CCDC171: variants seen among roughly 807,000 people sequenced by gnomAD.
The protein encoded by CCDC171 is coiled-coil domain-containing protein 171.
A neutral mutation model predicts 168.2 loss-of-function variants in CCDC171; 177 were observed. The observed-to-expected ratio is 1.05, with a 90% CI of 0.93 to 1.19. CCDC171 has a LOEUF of 1.19. Among genes scored for constraint, CCDC171 ranks in the 50% most tolerant of loss-of-function variants. The pLI, the probability that CCDC171 is intolerant of heterozygous loss-of-function variation, is 0.00. For missense variants in CCDC171, 1,991 were observed against 1,539.0 expected, an observed-to-expected ratio of 1.29 and a Z score of -4.91; for synonymous variants, 687 against 540.8, an observed-to-expected ratio of 1.27 and a Z score of -3.75.
At chr9:15,622,437 A>G (rs779803012) in intron 6 of CCDC171, among the ~76,000 whole-genome samples, 1 of 152,224 alleles carries the variant, frequency 6.6e-6, no homozygotes, top group Non-Finnish European at 1.5e-5. Context: ...ACATACTCAG[A>G]TTCTAATGGT....
At chr9:15,866,288 G>A (rs775582364) in intron 23 of CCDC171, among the ~76,000 whole-genome samples, 4 of 151,848 alleles carry the variant, frequency 2.6e-5, no homozygotes, top group African/African-American at 4.8e-5. Context: ...GATATAGTGA[G>A]TAATAAAAGT....
intron 24 of CCDC171, 60 bp downstream of exon 24, chr9:15,874,723 C>G: frequency 7.0e-7 from 1 of 1,419,202 alleles, no homozygotes; most frequent in Non-Finnish European, 9.3e-7. Context: ...ATTGCACTAA[C>G]TGGAGAGAAT....
Position 15,848,943 on chromosome 9 carries a change from A to G in CCDC171, c.3464A>G (p.His1155Arg). 2 of 1,527,854 alleles carry G rather than the reference A, an allele frequency of 1.3e-6. No individual in the cohort carries two copies. The highest frequency in any genetic ancestry group is 1.8e-6 in the Non-Finnish European group (2 of 1,126,200). 94.6% of individuals were successfully genotyped at this position (1,527,854 alleles called of 1,614,324 possible). Residue 1155 changes from histidine (H) to arginine (R), a missense_variant, in exon 23 of 26, where the codon CAC (histidine) becomes CGC (arginine). By Grantham distance (29) the His-to-Arg change is conservative. Coordinates refer to ENST00000380701, the MANE Select transcript of CCDC171 (RefSeq NM_173550.4). ...NHMRAVENTLHKVRDQISLSW... is the reference protein window; with the variant it reads ...NHMRAVENTLRKVRDQISLSW... Reference sequence around the variant, plus strand: ...ATGAGAGCAGTAGAAAATACGCTTCACAAGGTACTGTTATTTTTCTTTAAT... The same window carrying G: ...ATGAGAGCAGTAGAAAATACGCTTCGCAAGGTACTGTTATTTTTCTTTAAT...
At chr9:15,679,882 A>T (rs909215358) in intron 10 of CCDC171, among the ~76,000 whole-genome samples, 4 of 152,144 alleles carry the variant, frequency 2.6e-5, no homozygotes, top group African/African-American at 9.7e-5. Context: ...ATTTTTATTC[A>T]GGTTATTCAT....
At chr9:15,674,827 G>A (rs906642807) in intron 9 of CCDC171, among the ~76,000 whole-genome samples, 1 of 152,182 alleles carries the variant, frequency 6.6e-6, no homozygotes, top group Non-Finnish European at 1.5e-5. Context: ...TGAGAAGAAT[G>A]TATATTCTGT....
At chr9:15,633,144 A>G (rs1320580133) in intron 7 of CCDC171, among the ~76,000 whole-genome samples, 2 of 152,228 alleles carry the variant, frequency 1.3e-5, no homozygotes, top group South Asian at 2.1e-4. Flanking sequence ...ACCAAAAGCA[A>G]TGGCAAGAAA....
chr9:15,950,644 A>T (rs1168238934), intron 25 of CCDC171, among the ~76,000 whole-genome samples: 4 of 152,146 alleles, frequency 2.6e-5, no homozygotes, highest in Non-Finnish European at 5.9e-5. Context: ...GGAAAGGAAC[A>T]ACCGATACCA....
At chr9:15,762,936 GT>G (rs1164342105) in intron 18 of CCDC171, among the ~76,000 whole-genome samples, 1 of 152,136 alleles carries the variant, frequency 6.6e-6, no homozygotes, top group Non-Finnish European at 1.5e-5. Context: ...GGAGGGAACA[GT>G]TCCCAAAGGC....
At chr9:15,793,483 A>G (rs1405738324) in intron 21 of CCDC171, among the ~76,000 whole-genome samples, 2 of 151,766 alleles carry the variant, frequency 1.3e-5, no homozygotes, top group African/African-American at 2.4e-5. Flanking sequence ...GTAGACCTCT[A>G]CAGAACTCTC....
Position 15,902,922 on chromosome 9 carries a change from G to C in CCDC171, c.3601-17348G>C, listed in dbSNP as rs548447084. On this transcript the variant is annotated intron_variant, in intron 24 of 25. Transcript: ENST00000380701. Reference sequence around the variant, plus strand: ...GCTCAGAGGGTCCTACACCCACGGAGCCTCACTCATTGCAAGCACAGCAGT... The same window carrying C: ...GCTCAGAGGGTCCTACACCCACGGACCCTCACTCATTGCAAGCACAGCAGT... 2.9e-3 allele frequency among the ~76,000 whole-genome samples: 447 copies of C among 152,304 alleles called. 2 individuals carry two copies. The highest frequency in any genetic ancestry group is 5.4e-3 in the Non-Finnish European group (368 of 68,024).
intron 24 of CCDC171, among the ~76,000 whole-genome samples, chr9:15,896,429 C>A (rs143866372): frequency 6.1e-4 from 93 of 152,096 alleles, no homozygotes; most frequent in African/African-American, 2.0e-3. Context: ...AAGATGGTGC[C>A]AGTAAAAACT....
intron 25 of CCDC171, among the ~76,000 whole-genome samples, chr9:15,952,134 A>G (rs536709243): frequency 6.6e-6 from 1 of 152,106 alleles, no homozygotes; most frequent in Non-Finnish European, 1.5e-5. Flanking sequence ...TGTTGAAAAG[A>G]CGTATTTTTT....
Position 15,994,580 on chromosome 9 carries a change from A to G in CCDC171, n.369-26009A>G, listed in dbSNP as rs537504199. Among the ~76,000 whole-genome samples the G allele has an allele frequency of 5.3e-5, 8 of 152,328 alleles. No homozygotes were observed. In the South Asian group the frequency reaches 1.4e-3, roughly 28 times the overall value. On this transcript the variant is annotated intron_variant and non_coding_transcript_variant, in intron 3 of 9. Transcript: ENST00000486641. ...GCACATGTACCCTAGAACTTAAAGTATATATAAAAAAAAGTTTCTCTTAGA... is the reference window on the plus strand; with the variant it reads ...GCACATGTACCCTAGAACTTAAAGTGTATATAAAAAAAAGTTTCTCTTAGA...
chr9:15,875,318 A>G (rs548884299), intron 24 of CCDC171: 10 of 152,168 alleles, frequency 6.6e-5, no homozygotes, highest in South Asian at 6.2e-4. Flanking sequence ...ACTTATTTTT[A>G]GAAACATTCA....
intron 3 of CCDC171, among the ~76,000 whole-genome samples, chr9:16,006,377 G>A (rs367551448): frequency 1.5e-4 from 23 of 152,212 alleles, no homozygotes; most frequent in African/African-American, 5.3e-4. Flanking sequence ...ATGTGTTTAT[G>A]AGCTATTCGT....
At chr9:16,018,404 T>A (rs759845835) in intron 3 of CCDC171, among the ~76,000 whole-genome samples, 3 of 152,126 alleles carry the variant, frequency 2.0e-5, no homozygotes, top group Non-Finnish European at 2.9e-5. Flanking sequence ...TATGTCAATA[T>A]ATAAGCATTA....
intron 21 of CCDC171, among the ~76,000 whole-genome samples, chr9:15,802,485 C>G (rs972176698): frequency 6.6e-6 from 1 of 152,102 alleles, no homozygotes; most frequent in Non-Finnish European, 1.5e-5. Context: ...TTAGCTCCCA[C>G]TTATAAGTGA....
intron 24 of CCDC171, chr9:15,887,709 A>G (rs542497185): frequency 6.6e-6 from 1 of 152,320 alleles, no homozygotes; most frequent in African/African-American, 2.4e-5. Flanking sequence ...ATAAAAATGA[A>G]AAATTAAATA....
intron 24 of CCDC171, among the ~76,000 whole-genome samples, chr9:15,877,144 A>G (rs1308539604): frequency 6.6e-6 from 1 of 151,582 alleles, no homozygotes; most frequent in Non-Finnish European, 1.5e-5. Context: ...CTTGTTTCTG[A>G]GATCTGCTAG....
Sources: gnomAD v4.1 joint callset for allele counts (sites outside exome capture counted in the v4.1 genomes callset) on GRCh38, gnomAD v4.1.1 for gene constraint, MANE v1.5 for transcripts, NCBI Gene and HGNC (gene_info 2026-07-23, HGNC 2026-07-21) for gene names.